Variants in DLG2 observed in about 807,000 individuals in gnomAD.
DLG2 encodes disks large homolog 2.
In DLG2, 45 loss-of-function variants were observed where a neutral mutation model predicts 132.5. The ratio of observed to expected loss-of-function variants is 0.34; its 90% confidence interval spans 0.27 to 0.44. The LOEUF is 0.44. DLG2 is among the 20% of genes least tolerant of loss of function. DLG2 has a pLI of 1.00. For missense variants in DLG2, 1,045 were observed against 1,196.9 expected (o/e 0.87, Z 1.87); for synonymous variants, 424 against 419.6 (o/e 1.01, Z -0.13).
chr11:85,604,515 A>G (rs566989709), intron 2 of DLG2, among the ~76,000 whole-genome samples: 1 of 152,338 alleles, frequency 6.6e-6, no homozygotes, highest in South Asian at 2.1e-4. Flanking sequence ...CAAGCAAGTC[A>G]AGATTCATAT....
intron 4 of DLG2, among the ~76,000 whole-genome samples, chr11:85,224,433 T>C (rs1042007383): frequency 2.6e-5 from 4 of 152,134 alleles, no homozygotes; most frequent in African/African-American, 9.7e-5. Flanking sequence ...ATCTCTGCCA[T>C]TGAGGTGTAG....
chr11:84,335,179 A>AAAT (rs2098478199), intron 7 of DLG2, among the ~76,000 whole-genome samples: 1 of 144,328 alleles, frequency 6.9e-6, no homozygotes, highest in Non-Finnish European at 1.5e-5. Flanking sequence ...AAAAAAAAAA[A>AAAT]GGAAGGAAGG....
At chr11:84,246,720 C>T (rs1343325816) in intron 8 of DLG2, among the ~76,000 whole-genome samples, 3 of 152,228 alleles carry the variant, frequency 2.0e-5, no homozygotes, top group African/African-American at 4.8e-5. Flanking sequence ...ATGGAAAATT[C>T]ATGTATATAG....
chr11:85,166,835 C>T (rs1308720506), intron 4 of DLG2, among the ~76,000 whole-genome samples: 1 of 152,068 alleles, frequency 6.6e-6, no homozygotes, highest in Non-Finnish European at 1.5e-5. Flanking sequence ...TTCTACATTA[C>T]ACAATATGTA....
intron 20 of DLG2, among the ~76,000 whole-genome samples, chr11:83,540,789 A>C (rs2096045060): frequency 6.6e-6 from 1 of 152,180 alleles, no homozygotes. Context: ...AGAAATCTGC[A>C]GCTTGAGAAA....
chr11:83,700,490 T>C (rs2082733019), intron 18 of DLG2, among the ~76,000 whole-genome samples: 1 of 152,146 alleles, frequency 6.6e-6, no homozygotes, highest in Non-Finnish European at 1.5e-5. Context: ...CTTAGGAACC[T>C]GAATACAGTG....
At chr11:85,557,979 G>T (rs910847080) in intron 3 of DLG2, among the ~76,000 whole-genome samples, 12 of 151,870 alleles carry the variant, frequency 7.9e-5, no homozygotes, top group Non-Finnish European at 1.2e-4. Flanking sequence ...AAACCAAAGA[G>T]TTTCTGCACA....
chr11:84,352,795 A>G (rs764466815), intron 7 of DLG2, among the ~76,000 whole-genome samples: 2 of 152,200 alleles, frequency 1.3e-5, no homozygotes, highest in Admixed American at 6.5e-5. Flanking sequence ...AACTTTATGA[A>G]AGAGAAAAGC....
chr11:83,701,782 T>C (rs1226861396), intron 18 of DLG2, among the ~76,000 whole-genome samples: 3 of 152,054 alleles, frequency 2.0e-5, no homozygotes, highest in Admixed American at 1.3e-4. Flanking sequence ...CCTGTCGTGG[T>C]AGGGAAGGGA....
chr11:84,087,748 C>G (rs1235149000), intron 10 of DLG2, among the ~76,000 whole-genome samples: 1 of 152,100 alleles, frequency 6.6e-6, no homozygotes. Flanking sequence ...CCAAGTGATT[C>G]AGATGGCCTT....
At chr11:84,708,107 T>A in intron 6 of DLG2, among the ~76,000 whole-genome samples, 1 of 151,788 alleles carries the variant, frequency 6.6e-6, no homozygotes, top group East Asian at 1.9e-4. Flanking sequence ...CCCAAATAGT[T>A]CTTTGATCAT....
intron 18 of DLG2, among the ~76,000 whole-genome samples, chr11:83,697,448 A>G (rs2082131874): frequency 6.6e-6 from 1 of 152,180 alleles, no homozygotes. Context: ...CTACTCCCAA[A>G]GTCTTGGGAA....
intron 6 of DLG2, among the ~76,000 whole-genome samples, chr11:84,884,728 G>T (rs1047868907): frequency 2.0e-5 from 3 of 151,914 alleles, no homozygotes; most frequent in Admixed American, 1.3e-4. Flanking sequence ...ATATCCAGGG[G>T]ATACAGTATT....
intron 7 of DLG2, among the ~76,000 whole-genome samples, chr11:84,508,093 A>C (rs1416863763): frequency 6.6e-6 from 1 of 152,150 alleles, no homozygotes; most frequent in African/African-American, 2.4e-5. Flanking sequence ...AAAGTTTTCC[A>C]CTGGGTTCTC....
At chr11:84,168,848 C>CACACAA (rs2095741972) in intron 8 of DLG2, among the ~76,000 whole-genome samples, 1 of 151,746 alleles carries the variant, frequency 6.6e-6, no homozygotes, top group Admixed American at 6.6e-5. Flanking sequence ...CACACACACA[C>CACACAA]ACAAACACAC....
chr11:83,829,103 C>A (rs958845806), intron 17 of DLG2, among the ~76,000 whole-genome samples: 1 of 152,014 alleles, frequency 6.6e-6, no homozygotes, highest in African/African-American at 2.4e-5. Context: ...GGGGATTCTA[C>A]TTCCTTTCTC....
chr11:83,503,458 CACACACAT>C (rs2094552311), intron 21 of DLG2, among the ~76,000 whole-genome samples: 1 of 143,248 alleles, frequency 7.0e-6, no homozygotes, highest in African/African-American at 2.6e-5. Context: ...TTTATACACA[CACACACAT>C]ATATTATTAA....
intron 6 of DLG2, among the ~76,000 whole-genome samples, chr11:85,076,846 A>G (rs1362470151): frequency 6.6e-6 from 1 of 152,028 alleles, no homozygotes; most frequent in African/African-American, 2.4e-5. Flanking sequence ...CTTCCATTTA[A>G]TATCTGCTGA....
intron 3 of DLG2, among the ~76,000 whole-genome samples, chr11:85,352,059 G>A (rs1404269202): frequency 6.6e-6 from 1 of 152,062 alleles, no homozygotes; most frequent in Non-Finnish European, 1.5e-5. Context: ...TTGGTTGGTA[G>A]GCTATTAATT....
Sources: gnomAD v4.1 joint callset for allele counts (sites outside exome capture counted in the v4.1 genomes callset) on GRCh38, gnomAD v4.1.1 for gene constraint, MANE v1.5 for transcripts, NCBI Gene and HGNC (gene_info 2026-07-23, HGNC 2026-07-21) for gene names.